The following TG variants were observed in gnomAD, a reference collection of about 807,000 sequenced individuals.
TG encodes thyroid hormones.
Under a neutral mutation model 324.7 loss-of-function variants are expected in TG, and 270 were observed. That is an observed-to-expected ratio of 0.83 (90% confidence interval 0.75 to 0.92). TG has a LOEUF of 0.92. Ranked by LOEUF, TG falls within the 40% of genes least tolerant of loss-of-function variation. The probability of loss-of-function intolerance (pLI) is 0.00; values close to 1 mark genes in which losing one functional copy is unlikely to be tolerated. For missense variants in TG, 3,591 were observed against 3,456.4 expected, an observed-to-expected ratio of 1.04 and a Z score of -0.98; for synonymous variants, 1,401 against 1,327.0, an observed-to-expected ratio of 1.06 and a Z score of -1.21.
chr8:133,047,452 T>G, intron 41 of TG: 1 of 206,088 alleles, frequency 4.9e-6, no homozygotes, highest in Non-Finnish European at 1.0e-5. Context: ...GAAAACTGAG[T>G]TCAGACAAAT....
intron 22 of TG, among the ~76,000 whole-genome samples, chr8:132,926,557 T>A (rs860471): frequency 1.3e-5 from 2 of 152,156 alleles, no homozygotes; most frequent in Non-Finnish European, 2.9e-5. Flanking sequence ...TTTGACAGAA[T>A]GAATAAATTT....
chr8:132,983,384 G>C lies in TG; in HGVS notation c.6234G>C (p.Leu2078Phe), dbSNP rs1008353697. 1.9e-6 allele frequency: 3 copies of C among 1,613,924 alleles called. No individual in the cohort carries two copies. In the Admixed American group the frequency reaches 5.0e-5, roughly 27 times the overall value. Residue 2078 changes from leucine (L) to phenylalanine (F), a missense_variant, in exon 35 of 48, where the codon TTG becomes TTC. Leu to Phe is a conservative substitution (Grantham distance 22). Transcript: ENST00000220616. ...AQNNAPSFCP[L>F]VVLPSLTEKV... is the part of the protein sequence containing the mutation. ...ATAATGCTCCCAGTTTTTGCCCTTT[G>C]GTTGTTCTGCCTTCCCTCACAGAGA... is the stretch of plus-strand genomic sequence containing the variant.
chr8:133,074,156 T>C (rs1239390932), intron 41 of TG, among the ~76,000 whole-genome samples: 1 of 152,180 alleles, frequency 6.6e-6, no homozygotes, highest in Non-Finnish European at 1.5e-5. Context: ...TAACATGCTG[T>C]TTTCAGAATT....
At chr8:133,042,072 C>A (rs1838359356) in intron 41 of TG, among the ~76,000 whole-genome samples, 1 of 152,088 alleles carries the variant, frequency 6.6e-6, no homozygotes, top group South Asian at 2.1e-4. Context: ...CAGGTGTGAG[C>A]CACCACACCC....
chr8:132,903,272 G>T (rs114559569), intron 16 of TG, among the ~76,000 whole-genome samples: 46 of 152,304 alleles, frequency 3.0e-4, no homozygotes, highest in African/African-American at 1.1e-3. Context: ...ATTTGTAAAG[G>T]CTTCATCATG....
chr8:132,988,667 A>G (rs1831921892), intron 35 of TG: 1 of 973,654 alleles, frequency 1.0e-6, no homozygotes, highest in Non-Finnish European at 1.2e-6. Flanking sequence ...TAGTAAATAT[A>G]TATTTTCTTT....
chr8:132,934,993 C>T (rs1425319179), intron 24 of TG, among the ~76,000 whole-genome samples: 3 of 152,076 alleles, frequency 2.0e-5, no homozygotes, highest in African/African-American at 7.2e-5. Context: ...TCTCCTCTCC[C>T]GTCACTCCCC....
At chr8:132,867,670 A>G (rs1030512637) in intron 1 of TG, among the ~76,000 whole-genome samples, 9 of 149,686 alleles carry the variant, frequency 6.0e-5, no homozygotes, top group African/African-American at 2.0e-4. Flanking sequence ...TGGTATTTCA[A>G]TGTTTATCTG....
At chr8:133,011,782 T>G in intron 35 of TG, 119 bp from the exon 36 acceptor site, 1 of 1,254,344 alleles carries the variant, frequency 8.0e-7, no homozygotes. Context: ...TGCACAGGAA[T>G]GGAGACCAAG....
chr8:133,127,321 C>T (rs943862310), intron 45 of TG, among the ~76,000 whole-genome samples: 2 of 152,182 alleles, frequency 1.3e-5, no homozygotes, highest in African/African-American at 4.8e-5. Context: ...TGCAATGGAT[C>T]ATCTCTGAAA....
At chr8:132,902,816 G>A (rs574157709) in intron 16 of TG, among the ~76,000 whole-genome samples, 2 of 152,292 alleles carry the variant, frequency 1.3e-5, no homozygotes, top group East Asian at 1.9e-4. Flanking sequence ...CTCCTTTAGC[G>A]CTTAGGAAGA....
At chr8:132,911,348 TTGAGC>T in intron 18 of TG, 24 bp from the exon 19 acceptor site, 1 of 1,614,220 alleles carries the variant, frequency 6.2e-7, no homozygotes, top group South Asian at 1.1e-5. Flanking sequence ...CTCTGTGTTC[TTGAGC>T]TGAAAGTGTC....
At chr8:133,041,985 C>A (rs2741190) in intron 41 of TG, among the ~76,000 whole-genome samples, 14 of 151,236 alleles carry the variant, frequency 9.3e-5, no homozygotes, top group Non-Finnish European at 1.6e-4. Flanking sequence ...GATGGAGTTT[C>A]ACCATGTTGG....
intron 16 of TG, among the ~76,000 whole-genome samples, chr8:132,905,499 CAT>C (rs1420605671): frequency 6.6e-6 from 1 of 152,174 alleles, no homozygotes; most frequent in Non-Finnish European, 1.5e-5. Context: ...GATGTTAAGT[CAT>C]ATACTGGTCA....
intron 41 of TG, among the ~76,000 whole-genome samples, chr8:133,092,239 G>C (rs1847672107): frequency 6.6e-6 from 1 of 152,188 alleles, no homozygotes; most frequent in African/African-American, 2.4e-5. Flanking sequence ...GCCAGGCGCA[G>C]GCCCTGACTC....
At chr8:132,960,685 C>A (rs1419385553) in intron 27 of TG, among the ~76,000 whole-genome samples, 1 of 152,122 alleles carries the variant, frequency 6.6e-6, no homozygotes, top group Non-Finnish European at 1.5e-5. Flanking sequence ...ACTCACACAG[C>A]CCTCGAGTGT....
intron 41 of TG, among the ~76,000 whole-genome samples, chr8:133,092,427 C>T (rs571033627): frequency 2.0e-5 from 3 of 152,262 alleles, no homozygotes; most frequent in African/African-American, 4.8e-5. Flanking sequence ...TAGATAAAGC[C>T]GGAGCCCAGG....
intron 41 of TG, among the ~76,000 whole-genome samples, chr8:133,067,867 A>G (rs139500482): frequency 0.57 from 57,974 of 101,376 alleles, 12,975 homozygotes; most frequent in African/African-American, 0.68. Context: ...AGAAAGAAAG[A>G]AAGGAAGGAA....
intron 45 of TG, among the ~76,000 whole-genome samples, chr8:133,120,772 C>A (rs1851081387): frequency 6.6e-6 from 1 of 152,046 alleles, no homozygotes. Context: ...GGGTAAGGAC[C>A]CCAACATATC....
Sources: gnomAD v4.1 joint callset for allele counts (sites outside exome capture counted in the v4.1 genomes callset) on GRCh38, gnomAD v4.1.1 for gene constraint, MANE v1.5 for transcripts, NCBI Gene and HGNC (gene_info 2026-07-23, HGNC 2026-07-21) for gene names.